MYO18B: variants seen among roughly 807,000 people sequenced by gnomAD.
MYO18B encodes the protein unconventional myosin-XVIIIb.
A neutral mutation model predicts 273.0 loss-of-function variants in MYO18B; 204 were observed. That is an observed-to-expected ratio of 0.75 (90% CI 0.67 to 0.84). MYO18B has a LOEUF of 0.84. Ranked by LOEUF, MYO18B falls within the 40% of genes least tolerant of loss-of-function variation. MYO18B has a pLI of 0.00. For missense variants in MYO18B, 3,212 were observed against 3,287.6 expected (o/e 0.98, Z 0.56); for synonymous variants, 1,330 against 1,305.7 (o/e 1.02, Z -0.40).
chr22:25,936,533 C>A (rs1249075138), intron 34 of MYO18B, among the ~76,000 whole-genome samples: 2 of 152,200 alleles, frequency 1.3e-5, no homozygotes, highest in African/African-American at 4.8e-5. Flanking sequence ...GTTAACTAAC[C>A]TGTCTGTGCC....
chr22:26,022,607 C>A (rs1031181745), intron 42 of MYO18B, among the ~76,000 whole-genome samples: 9 of 152,154 alleles, frequency 5.9e-5, no homozygotes, highest in Admixed American at 2.6e-4. Flanking sequence ...TGTCTCTCCT[C>A]ACTCGACCCC....
At chr22:25,959,763 G>A (rs1160827881) in intron 39 of MYO18B, among the ~76,000 whole-genome samples, 3 of 152,200 alleles carry the variant, frequency 2.0e-5, no homozygotes, top group Non-Finnish European at 4.4e-5. Context: ...ACATGGAGGG[G>A]CCCGGGTGTG....
Position 25,908,427 on chromosome 22 carries a change from A to T in MYO18B, c.5254A>T (p.Lys1752Ter). ...GGAGGATGTCCGTCAGTCCTGCCAG[A>T]AGCGGGTACGTGAGCAGTGAACACA... The part of the protein sequence containing the change: ...ELEDVRQSCQ[K>*]RLHQLEMQLE... The change falls in exon 32 of 44, where the codon AAG (lysine) becomes TAG (stop). Residue 1752 changes from lysine (K) to a stop codon, truncating the protein, a stop_gained. Transcript: ENST00000335473. LOFTEE classifies it high-confidence loss of function. 1 of 1,584,132 alleles carries T rather than the reference A, an allele frequency of 6.3e-7. No individual in the cohort carries two copies. The highest frequency in any genetic ancestry group is 8.6e-7 in the Non-Finnish European group (1 of 1,165,110).
chr22:25,842,672 C>CAAA (rs695584), intron 17 of MYO18B, among the ~76,000 whole-genome samples: 1,660 of 64,482 alleles, frequency 0.026, 56 homozygotes, highest in African/African-American at 0.071. Context: ...AACTCCGTCT[C>CAAA]AAAAAAAAAA....
chr22:25,933,581 C>T (rs772875990), intron 34 of MYO18B, among the ~76,000 whole-genome samples: 4 of 152,062 alleles, frequency 2.6e-5, no homozygotes, highest in Non-Finnish European at 5.9e-5. Context: ...GATATTATTG[C>T]GTGTGTTTTA....
At chr22:25,811,136 C>G (rs562911106) in intron 12 of MYO18B, among the ~76,000 whole-genome samples, 1 of 151,578 alleles carries the variant, frequency 6.6e-6, no homozygotes, top group South Asian at 2.1e-4. Context: ...GCCTCAGCCT[C>G]CCGAGTGGCT....
chr22:26,040,661 G>A, the MYO18B span, among the ~76,000 whole-genome samples: 1 of 152,198 alleles, frequency 6.6e-6, no homozygotes, highest in South Asian at 2.1e-4. Flanking sequence ...TCTGAAGAAA[G>A]TGAAGCAACC....
At chr22:25,823,797 C>A in intron 13 of MYO18B, 119 bp downstream of exon 13, 2 of 1,095,478 alleles carry the variant, frequency 1.8e-6, no homozygotes. Context: ...GCTATGAAGG[C>A]GTGTGTTAGA....
At chr22:25,987,138 C>T (rs925620898) in intron 39 of MYO18B, among the ~76,000 whole-genome samples, 1 of 152,166 alleles carries the variant, frequency 6.6e-6, no homozygotes, top group African/African-American at 2.4e-5. Context: ...TCCAGAGCTG[C>T]AGAAATTAAC....
chr22:26,052,336 G>A, the MYO18B span, among the ~76,000 whole-genome samples: 1 of 152,292 alleles, frequency 6.6e-6, no homozygotes, highest in South Asian at 2.1e-4. Flanking sequence ...ACTAAGAAAG[G>A]TCATCCCAAT....
At chr22:25,867,829 C>T (rs1027202786) in intron 21 of MYO18B, among the ~76,000 whole-genome samples, 6 of 152,094 alleles carry the variant, frequency 3.9e-5, no homozygotes, top group Non-Finnish European at 8.8e-5. Context: ...GACGGGGCTT[C>T]ACCATGTTAG....
At chr22:25,743,079 G>C (rs1005131540) in intron 1 of MYO18B, among the ~76,000 whole-genome samples, 5 of 152,256 alleles carry the variant, frequency 3.3e-5, no homozygotes, top group African/African-American at 1.2e-4. Context: ...GGCCAGGAGT[G>C]GGGAGGCCCG....
At chr22:25,797,089 T>TG (rs2087948538) in intron 11 of MYO18B, among the ~76,000 whole-genome samples, 1 of 152,094 alleles carries the variant, frequency 6.6e-6, no homozygotes, top group African/African-American at 2.4e-5. Context: ...TAGCTGGGTG[T>TG]GGTGGCGGGT....
chr22:25,777,914 G>C, intron 8 of MYO18B, 133 bp downstream of exon 8: 1 of 831,970 alleles, frequency 1.2e-6, no homozygotes, highest in East Asian at 3.0e-5. Context: ...CCCCATGCTT[G>C]CTACTGGGCA....
intron 17 of MYO18B, among the ~76,000 whole-genome samples, chr22:25,837,764 A>T (rs1191057018): frequency 6.6e-6 from 1 of 152,232 alleles, no homozygotes. Flanking sequence ...TTCCTAAATT[A>T]TTCCCAGAGA....
At chr22:26,049,534 G>A in the MYO18B span, among the ~76,000 whole-genome samples, 1 of 152,160 alleles carries the variant, frequency 6.6e-6, no homozygotes, top group South Asian at 2.1e-4. Context: ...ATAGTGCCTG[G>A]GAGATAAGAG....
chr22:25,781,760 G>C lies in MYO18B; in HGVS notation c.2238G>C (p.Val746=). The change falls in exon 10 of 44, where the codon GTG becomes GTC. Residue 746 remains valine (V), a synonymous_variant. Transcript: ENST00000335473. ...LQTMLLEKSR[V]ARQPEGESNF... Reference sequence around the variant, plus strand: ...CAATGCTTTTGGAGAAGAGCCGCGTGGCACGGCAGCCGGAAGGGGAAAGTA... The same window carrying C: ...CAATGCTTTTGGAGAAGAGCCGCGTCGCACGGCAGCCGGAAGGGGAAAGTA... The C allele has an allele frequency of 6.3e-7, 1 of 1,587,796 alleles. No individual in the cohort carries two copies. The highest frequency in any genetic ancestry group is 8.6e-7 in the Non-Finnish European group (1 of 1,168,300).
intron 11 of MYO18B, among the ~76,000 whole-genome samples, chr22:25,788,602 A>G (rs2087500836): frequency 6.6e-6 from 1 of 152,226 alleles, no homozygotes; most frequent in Non-Finnish European, 1.5e-5. Flanking sequence ...GGACATATTT[A>G]TGAAAAAAAT....
At chr22:25,808,924 G>T (rs572543693) in intron 12 of MYO18B, among the ~76,000 whole-genome samples, 1 of 152,226 alleles carries the variant, frequency 6.6e-6, no homozygotes, top group Non-Finnish European at 1.5e-5. Flanking sequence ...GTTTTCCCCA[G>T]CAACTTTTAG....
Sources: gnomAD v4.1 joint callset for allele counts (sites outside exome capture counted in the v4.1 genomes callset) on GRCh38, gnomAD v4.1.1 for gene constraint, MANE v1.5 for transcripts, NCBI Gene and HGNC (gene_info 2026-07-23, HGNC 2026-07-21) for gene names.